Variants in TLE1 observed in about 807,000 individuals in gnomAD.
TLE1 encodes the protein transducin-like enhancer protein 1.
A neutral mutation model predicts 89.8 loss-of-function variants in TLE1; 21 were observed. That is an observed-to-expected ratio of 0.23 (90% confidence interval 0.17 to 0.34). The LOEUF (loss-of-function observed/expected upper bound fraction) is 0.34, where lower values mean the gene tolerates loss of function less well. TLE1 is among the 10% of genes least tolerant of loss of function. The pLI is 1.00. For missense variants in TLE1, 795 were observed against 1,031.2 expected (o/e 0.77, Z 3.14); for synonymous variants, 447 against 407.6 (o/e 1.10, Z -1.16).
intron 4 of TLE1, among the ~76,000 whole-genome samples, chr9:81,680,061 C>T (rs2086138274): frequency 1.3e-5 from 2 of 152,194 alleles, no homozygotes; most frequent in African/African-American, 2.4e-5. Flanking sequence ...TGGCGAAGGA[C>T]GCTCCTCAAT....
intron 2 of TLE1, among the ~76,000 whole-genome samples, 155 bp downstream of exon 2, chr9:81,687,179 A>C (rs906704635): frequency 6.6e-6 from 1 of 152,208 alleles, no homozygotes; most frequent in Non-Finnish European, 1.5e-5. Flanking sequence ...GGGAAGAACC[A>C]GGAAAGGGGG....
chr9:81,616,047 T>C lies in TLE1; in HGVS notation c.853A>G (p.Ser285Gly). Residue 285 changes from serine to glycine, a missense_variant, in exon 11 of 20, where the codon AGC (serine) becomes GGC (glycine). Transcript: ENST00000376499. ...KNRLLKKDAS[S>G]SPASTASSAS... The stretch of plus-strand genomic sequence containing the variant: ...GAGGAGGCCGTGGAAGCTGGACTGC[T>C]AGAAGCATCCTTCTTTAGCAGGCGA... 1 of 1,614,186 alleles carries C rather than the reference T, an allele frequency of 6.2e-7. No homozygotes were observed. The highest frequency in any genetic ancestry group is 1.3e-5 in the African/African-American group (1 of 75,066).
chr9:81,592,387 T>C (rs1564114211), intron 15 of TLE1, among the ~76,000 whole-genome samples: 3 of 152,142 alleles, frequency 2.0e-5, no homozygotes, highest in Admixed American at 6.5e-5. Flanking sequence ...GATCCGAACA[T>C]GTCCCAACAT....
rs1165710670 is a variant in TLE1 at position 81,611,971 on chromosome 9, C to G, written c.1064-12G>C. 4 of 1,434,398 alleles carry G rather than the reference C, an allele frequency of 2.8e-6. No homozygotes were observed. Among genetic ancestry groups the G allele is most frequent in the African/African-American group, 3.0e-5 (2 of 67,262 alleles). The allele number at this position is 1,434,398 out of a possible 1,614,324, so 88.9% of individuals were successfully genotyped here. ...CCTCAAGCCAGCTGCTGAAAGGAAA[C>G]ACAAGCCGCACATCATTCAACTGAC... On this transcript the variant is annotated splice_polypyrimidine_tract_variant and intron_variant, in intron 12 of 19. Transcript: ENST00000376499.
chr9:81,687,192 A>G (rs1023475868), intron 2 of TLE1, 142 bp downstream of exon 2: 6 of 619,462 alleles, frequency 9.7e-6, no homozygotes, highest in Non-Finnish European at 1.7e-5. Flanking sequence ...AAAGGGGGTA[A>G]CTTGAATGAC....
At chr9:81,604,466 T>C (rs929231117) in intron 14 of TLE1, among the ~76,000 whole-genome samples, 2 of 152,178 alleles carry the variant, frequency 1.3e-5, no homozygotes, top group Admixed American at 6.5e-5. Flanking sequence ...GATGATAGAT[T>C]AGCAGTGTGC....
At chr9:81,633,736 C>CA (rs1463325806) in intron 7 of TLE1, 1 of 471,950 alleles carries the variant, frequency 2.1e-6, no homozygotes, top group Non-Finnish European at 3.7e-6. Flanking sequence ...TGAACACATT[C>CA]ACTTTCAAAT....
intron 4 of TLE1, among the ~76,000 whole-genome samples, chr9:81,680,042 T>A (rs549409600): frequency 3.9e-5 from 6 of 152,212 alleles, no homozygotes; most frequent in Admixed American, 2.0e-4. Flanking sequence ...GAGAACATCT[T>A]AAGTCCTCTG....
rs34947337 is a variant in TLE1 at position 81,615,081 on chromosome 9, C to CAAAAA, written c.918+896_918+900dup. Among the ~76,000 whole-genome samples the CAAAAA allele has an allele frequency of 1.6e-3, 40 of 25,104 alleles. 2 individuals are homozygous for CAAAAA. Among genetic ancestry groups the CAAAAA allele is most frequent in the East Asian group, 2.9e-3 (2 of 692 alleles). The allele number at this position is 25,104 out of a possible 152,430, so 16.5% of individuals were successfully genotyped here. On this transcript the variant is annotated intron_variant, in intron 11 of 19. Transcript: ENST00000376499. The stretch of plus-strand genomic sequence containing the variant: ...TGGGTGACAGAGTGAGACTCCATCT[C>CAAAAA]AAAAAAAAAAAAAAAAAAAAAAAAA...
intron 15 of TLE1, 47 bp from the exon 16 acceptor site, chr9:81,591,099 C>A (rs377239895): frequency 2.5e-6 from 4 of 1,586,032 alleles, no homozygotes; most frequent in South Asian, 1.1e-5. Flanking sequence ...ACCGAGCAAT[C>A]ATAGCACCAT....
At chr9:81,587,468 A>G (rs1342769192) in intron 17 of TLE1, among the ~76,000 whole-genome samples, 1 of 152,226 alleles carries the variant, frequency 6.6e-6, no homozygotes, top group Non-Finnish European at 1.5e-5. Context: ...AACCTACAGG[A>G]TTCTAAAAAC....
intron 4 of TLE1, among the ~76,000 whole-genome samples, chr9:81,671,023 C>A (rs1832157792): frequency 6.6e-6 from 1 of 151,844 alleles, no homozygotes; most frequent in Non-Finnish European, 1.5e-5. Flanking sequence ...CCAAAATTAG[C>A]TAGGCATGGT....
chr9:81,645,096 AC>A (rs1428628739), intron 6 of TLE1, among the ~76,000 whole-genome samples: 8 of 151,334 alleles, frequency 5.3e-5, no homozygotes, highest in African/African-American at 1.9e-4. Context: ...GCAGTGCCTC[AC>A]GTCAGTAATC....
At chr9:81,661,191 T>C (rs1024893747) in intron 4 of TLE1, among the ~76,000 whole-genome samples, 1 of 67,084 alleles carries the variant, frequency 1.5e-5, no homozygotes, top group Non-Finnish European at 3.0e-5. Flanking sequence ...TGTATTTTTA[T>C]ATATATATGT....
At chr9:81,584,997 T>C (rs895649415) in intron 18 of TLE1, among the ~76,000 whole-genome samples, 5 of 151,784 alleles carry the variant, frequency 3.3e-5, no homozygotes, top group African/African-American at 9.7e-5. Flanking sequence ...CATCCATCCA[T>C]CCATCTATGC....
At chr9:81,668,058 A>T (rs899392359) in intron 4 of TLE1, among the ~76,000 whole-genome samples, 2 of 152,132 alleles carry the variant, frequency 1.3e-5, no homozygotes, top group Admixed American at 1.3e-4. Flanking sequence ...CAGCTACATC[A>T]GGAGGCTGAG....
chr9:81,664,502 C>G (rs1831210840), intron 4 of TLE1, among the ~76,000 whole-genome samples: 1 of 152,112 alleles, frequency 6.6e-6, no homozygotes, highest in African/African-American at 2.4e-5. Flanking sequence ...GTCTGAGTAG[C>G]TTTTGTTTAA....
At chr9:81,631,384 C>T (rs1336661286) in intron 8 of TLE1, among the ~76,000 whole-genome samples, 1 of 152,218 alleles carries the variant, frequency 6.6e-6, no homozygotes. Context: ...AAACCTCTGC[C>T]TATTCACACC....
At chr9:81,669,809 A>G (rs921305120) in intron 4 of TLE1, among the ~76,000 whole-genome samples, 1 of 152,200 alleles carries the variant, frequency 6.6e-6, no homozygotes, top group Non-Finnish European at 1.5e-5. Context: ...AGAATAAATA[A>G]ATGTTAATAA....
Sources: gnomAD v4.1 joint callset for allele counts (sites outside exome capture counted in the v4.1 genomes callset) on GRCh38, gnomAD v4.1.1 for gene constraint, MANE v1.5 for transcripts, NCBI Gene and HGNC (gene_info 2026-07-23, HGNC 2026-07-21) for gene names.